Variants in FAM193A observed in about 807,000 individuals in gnomAD.
FAM193A encodes the protein family with sequence similarity 193 member A.
A neutral mutation model predicts 126.5 loss-of-function variants in FAM193A; 22 were observed. The ratio of observed to expected loss-of-function variants is 0.17; its 90% CI spans 0.12 to 0.25. FAM193A has a LOEUF of 0.25. Ranked by LOEUF, FAM193A falls within the 10% of genes least tolerant of loss-of-function variation. The pLI, the probability that FAM193A is intolerant of heterozygous loss-of-function variation, is 1.00. For missense variants in FAM193A, 1,675 were observed against 1,672.8 expected (o/e 1.00, Z -0.02); for synonymous variants, 761 against 646.8 (o/e 1.18, Z -2.68).
chr4:2,619,339 G>A (rs1742398286), intron 2 of FAM193A, among the ~76,000 whole-genome samples: 1 of 151,934 alleles, frequency 6.6e-6, no homozygotes, highest in Admixed American at 6.6e-5. Flanking sequence ...TCCTCAGTGT[G>A]TCACCCAGGC....
chr4:2,708,579 C>T (rs148191142), intron 19 of FAM193A, among the ~76,000 whole-genome samples: 8,204 of 152,056 alleles, frequency 0.054, 298 homozygotes, highest in Non-Finnish European at 0.082. Flanking sequence ...TTTCCTGCCT[C>T]GGCCTCCCAA....
At chr4:2,657,130 T>G (rs748458050) in intron 7 of FAM193A, among the ~76,000 whole-genome samples, 6 of 152,334 alleles carry the variant, frequency 3.9e-5, no homozygotes, top group Non-Finnish European at 7.4e-5. Flanking sequence ...ATTGTGCCAC[T>G]GCACTCCAGC....
intron 19 of FAM193A, among the ~76,000 whole-genome samples, chr4:2,701,424 C>T (rs906888276): frequency 3.3e-5 from 5 of 151,928 alleles, no homozygotes; most frequent in East Asian, 3.9e-4. Context: ...AAGAGTGCAG[C>T]GCATTTATTT....
intron 4 of FAM193A, among the ~76,000 whole-genome samples, chr4:2,629,896 G>C (rs1743373424): frequency 6.6e-6 from 1 of 152,150 alleles, no homozygotes; most frequent in Non-Finnish European, 1.5e-5. Flanking sequence ...ACTTTGAGAG[G>C]CCAAGGCGGG....
At chr4:2,544,890 T>G (rs936479008) in intron 1 of FAM193A, among the ~76,000 whole-genome samples, 7 of 152,110 alleles carry the variant, frequency 4.6e-5, no homozygotes, top group Non-Finnish European at 1.0e-4. Flanking sequence ...CAAAAAAGAC[T>G]ATAGATAGAA....
At chr4:2,713,528 T>G (rs974241656) in intron 19 of FAM193A, among the ~76,000 whole-genome samples, 7 of 152,260 alleles carry the variant, frequency 4.6e-5, no homozygotes, top group Non-Finnish European at 7.3e-5. Context: ...CCTCGTGGCC[T>G]GCTGTGTTGG....
chr4:2,560,913 A>G (rs1239495312), intron 1 of FAM193A, among the ~76,000 whole-genome samples: 1 of 152,142 alleles, frequency 6.6e-6, no homozygotes, highest in African/African-American at 2.4e-5. Flanking sequence ...TCAGCCTCCC[A>G]AAGTACTGGG....
At chr4:2,601,114 C>T (rs1419769125) in intron 2 of FAM193A, among the ~76,000 whole-genome samples, 2 of 151,974 alleles carry the variant, frequency 1.3e-5, no homozygotes, top group African/African-American at 2.4e-5. Flanking sequence ...AGTGAGACCC[C>T]GTCTCTTTTA....
At position 2,699,929 on chromosome 4, in the gene FAM193A, G is replaced by C. The variant is rs1489822124; in HGVS notation, c.3757G>C (p.Val1253Leu). ...TRNFQAATES[V>L]PNSGNIHNGS... is the part of the protein sequence containing the mutation. ...AAATTTCCAGGCAGCAACAGAGTCT[G>C]TTCCTAACTCTGGAAACATCCACAA... The change falls in exon 19 of 21, where the codon GTT (valine) becomes CTT (leucine). Residue 1253 changes from valine to leucine, a missense_variant. Coordinates refer to ENST00000637812, the MANE Select transcript of FAM193A (RefSeq NM_001366318.2). The C allele has an allele frequency of 1.7e-5, 27 of 1,613,930 alleles. No homozygotes were observed. The highest frequency in any genetic ancestry group is 2.1e-5 in the Non-Finnish European group (25 of 1,180,032).
At chr4:2,579,550 TTAGC>T (rs1739802541) in intron 1 of FAM193A, among the ~76,000 whole-genome samples, 2 of 151,874 alleles carry the variant, frequency 1.3e-5, no homozygotes, top group Admixed American at 1.3e-4. Flanking sequence ...ATAAAAAATA[TTAGC>T]CAGACATAAT....
intron 12 of FAM193A, among the ~76,000 whole-genome samples, chr4:2,668,252 C>T (rs542769084): frequency 6.0e-5 from 9 of 149,172 alleles, no homozygotes; most frequent in Non-Finnish European, 1.2e-4. Context: ...CTCGCTCTGT[C>T]ACCCAGGCTG....
chr4:2,640,530 C>G (rs986009646), intron 6 of FAM193A, among the ~76,000 whole-genome samples: 2 of 152,152 alleles, frequency 1.3e-5, no homozygotes, highest in Admixed American at 6.6e-5. Context: ...AACGCTGTTC[C>G]CTGCACTGAG....
intron 2 of FAM193A, among the ~76,000 whole-genome samples, chr4:2,622,917 G>A (rs894840242): frequency 6.6e-6 from 1 of 152,134 alleles, no homozygotes; most frequent in Admixed American, 6.6e-5. Flanking sequence ...ATTCAGAACA[G>A]AGCAAAACAT....
chr4:2,727,929 A>T, intron 20 of FAM193A, among the ~76,000 whole-genome samples: 1 of 149,024 alleles, frequency 6.7e-6, no homozygotes, highest in Non-Finnish European at 1.5e-5. Flanking sequence ...TAGCTAATTA[A>T]AAAAAAAAAA....
At chr4:2,579,560 A>T (rs1003428864) in intron 1 of FAM193A, among the ~76,000 whole-genome samples, 1 of 152,070 alleles carries the variant, frequency 6.6e-6, no homozygotes. Flanking sequence ...TTAGCCAGAC[A>T]TAATGGCACT....
chr4:2,682,460 G>T (rs992453807), intron 13 of FAM193A, among the ~76,000 whole-genome samples: 1 of 152,062 alleles, frequency 6.6e-6, no homozygotes, highest in African/African-American at 2.4e-5. Context: ...CACCATGCTT[G>T]TTGTTTTTTG....
At chr4:2,656,888 C>T (rs1279840491) in intron 7 of FAM193A, among the ~76,000 whole-genome samples, 15 of 152,154 alleles carry the variant, frequency 9.9e-5, no homozygotes, top group South Asian at 2.1e-4. Context: ...TCTGGCCAGG[C>T]GGGCACAGTG....
At chr4:2,539,762 C>T (rs1212551701) in intron 1 of FAM193A, among the ~76,000 whole-genome samples, 2 of 152,078 alleles carry the variant, frequency 1.3e-5, no homozygotes, top group African/African-American at 2.4e-5. Context: ...AAATAAAATC[C>T]GTTAAGATCT....
At chr4:2,546,422 C>G (rs1475395632) in intron 1 of FAM193A, among the ~76,000 whole-genome samples, 1 of 151,928 alleles carries the variant, frequency 6.6e-6, no homozygotes, top group Non-Finnish European at 1.5e-5. Flanking sequence ...TAGTTACACT[C>G]TCCCCAACTC....
Sources: gnomAD v4.1 joint callset for allele counts (sites outside exome capture counted in the v4.1 genomes callset) on GRCh38, gnomAD v4.1.1 for gene constraint, MANE v1.5 for transcripts, NCBI Gene and HGNC (gene_info 2026-07-23, HGNC 2026-07-21) for gene names.